The following PCNX2 variants were observed in gnomAD, a reference collection of about 807,000 sequenced individuals.
PCNX2 encodes the protein pecanex 2.
PCNX2 carries 168 observed loss-of-function variants against 223.8 expected under a neutral mutation model. The ratio of observed to expected loss-of-function variants is 0.75; its 90% CI spans 0.66 to 0.85. The LOEUF (loss-of-function observed/expected upper bound fraction) is 0.85, where lower values mean the gene tolerates loss of function less well. Ranked by LOEUF, PCNX2 falls within the 40% of genes least tolerant of loss-of-function variation. The pLI is 0.00. For synonymous variants in PCNX2, 1,006 were observed against 1,052.6 expected (o/e 0.96, Z 0.86); for missense variants, 2,507 against 2,675.5 (o/e 0.94, Z 1.39).
At chr1:233,279,458 A>T (rs1459554602) in intron 1 of PCNX2, among the ~76,000 whole-genome samples, 1 of 151,378 alleles carries the variant, frequency 6.6e-6, no homozygotes, top group Admixed American at 6.6e-5. Context: ...ATATATATAT[A>T]TTTTATTGTA....
intron 21 of PCNX2, among the ~76,000 whole-genome samples, chr1:233,097,242 G>T (rs996077399): frequency 2.0e-5 from 3 of 151,608 alleles, no homozygotes; most frequent in Admixed American, 6.6e-5. Context: ...GAAAGCTGAA[G>T]AATTTTAGAT....
Position 233,017,123 on chromosome 1 carries a change from T to C in PCNX2, c.4637A>G (p.Lys1546Arg), listed in dbSNP as rs1475167491. 7 of 1,464,774 alleles carry C rather than the reference T, an allele frequency of 4.8e-6. No individual in the cohort carries two copies. The highest frequency in any genetic ancestry group is 5.6e-5 in the East Asian group (2 of 35,972). 90.7% of individuals were successfully genotyped at this position (1,464,774 alleles called of 1,614,324 possible). The change falls in exon 27 of 34, where the codon AAA becomes AGA. Residue 1546 changes from lysine (K) to arginine (R), a missense_variant. Transcript: ENST00000258229. ...SIIYYMVTSP[K>R]LLSWIKNESL... ...TTCATTTTTGATCCAGGAGAGGAGTTTGGGAGACGTTACCATATAGTATAT... is the reference window on the plus strand; with the variant it reads ...TTCATTTTTGATCCAGGAGAGGAGTCTGGGAGACGTTACCATATAGTATAT...
At chr1:233,132,518 A>C (rs954450492) in intron 21 of PCNX2, among the ~76,000 whole-genome samples, 3 of 152,160 alleles carry the variant, frequency 2.0e-5, no homozygotes, top group Admixed American at 6.5e-5. Flanking sequence ...ACAGGTATGG[A>C]ATTATTTAGA....
In PCNX2 at chr1:233,289,496, AG is replaced by A; in HGVS notation, c.153+5829del. The stretch of plus-strand genomic sequence containing the variant: ...CGAGCGCCGGCTTAGGAAGAGCAGA[AG>A]GATGCCTTTTAAGCAACTCCATGCT... On this transcript the variant is annotated intron_variant, in intron 1 of 33. Transcript: ENST00000258229. 3.7e-6 allele frequency: 3 copies of A among 805,682 alleles called. No homozygotes were observed. In the East Asian group the frequency reaches 7.8e-5, roughly 21 times the overall value. 49.9% of individuals were successfully genotyped at this position (805,682 alleles called of 1,614,324 possible).
chr1:233,135,145 C>A lies in PCNX2; in HGVS notation c.3705G>T (p.Arg1235=), dbSNP rs776087349. 2.1e-5 allele frequency: 34 copies of A among 1,613,888 alleles called. No individual in the cohort carries two copies. The highest frequency in any genetic ancestry group is 2.8e-5 in the Non-Finnish European group (33 of 1,179,868). Residue 1235 remains arginine, a synonymous_variant, in exon 21 of 34, where the codon CGG becomes CGT. Transcript: ENST00000258229. ...LMIIAGMKLL[R]TSFCNPVYQF... is the part of the protein sequence containing the mutation. ...GGTAAACCGGGTTGCAGAATGATGT[C>A]CGCAACAGCTTCATGCCAGCAATGA...
chr1:233,063,584 G>A (rs1672484602), intron 23 of PCNX2, among the ~76,000 whole-genome samples: 1 of 152,096 alleles, frequency 6.6e-6, no homozygotes, highest in African/African-American at 2.4e-5. Context: ...TATTAGTGCT[G>A]TGAAACCTCA....
At chr1:233,057,203 G>T (rs1200425016) in intron 24 of PCNX2, 29 bp downstream of exon 24, 5 of 1,534,592 alleles carry the variant, frequency 3.3e-6, no homozygotes, top group Non-Finnish European at 4.5e-6. Context: ...ACAATAAATA[G>T]TTGAAAAAGA....
rs1353884519 is a variant in PCNX2, at chr1:233,283,817, A to G, written c.153+11509T>C. ...TAGTCCAGAATCATCAATTTATACT[A>G]TAACTATTGGGTGAAAGACTTTTGG... On this transcript the variant is annotated intron_variant, in intron 1 of 33. Transcript: ENST00000258229. 2.0e-5 allele frequency among the ~76,000 whole-genome samples: 3 copies of G among 152,222 alleles called. No homozygotes were observed. The East Asian group carries it at 5.8e-4, about 29-fold the overall frequency.
At chr1:233,098,777 G>A (rs1181568626) in intron 21 of PCNX2, among the ~76,000 whole-genome samples, 1 of 152,120 alleles carries the variant, frequency 6.6e-6, no homozygotes, top group Non-Finnish European at 1.5e-5. Context: ...TTAAGGGCAC[G>A]CTGCCTGAGT....
chr1:233,192,581 C>T (rs1283140979), intron 15 of PCNX2, among the ~76,000 whole-genome samples: 2 of 151,960 alleles, frequency 1.3e-5, no homozygotes, highest in African/African-American at 4.8e-5. Context: ...TCTAAAGGGA[C>T]CACTTACAGA....
rs554740859 is a variant in PCNX2 at position 233,287,253 on chromosome 1, G to T, written c.153+8073C>A. 3.1e-4 allele frequency among the ~76,000 whole-genome samples: 47 copies of T among 152,202 alleles called. 1 individual carries two copies. Among genetic ancestry groups the T allele is most frequent in the Admixed American group, 5.2e-4 (8 of 15,284 alleles). On this transcript the variant is annotated intron_variant, in intron 1 of 33. Coordinates refer to ENST00000258229, the MANE Select transcript of PCNX2 (RefSeq NM_014801.4). Reference sequence around the variant, plus strand: ...AACTAGAAATAAGTGTGAGAGGGAAGTTATATTTTTATTATATGTCCTTTT... The same window carrying T: ...AACTAGAAATAAGTGTGAGAGGGAATTTATATTTTTATTATATGTCCTTTT...
chr1:233,281,137 G>C (rs1355005546), intron 1 of PCNX2, among the ~76,000 whole-genome samples: 1 of 152,202 alleles, frequency 6.6e-6, no homozygotes, highest in Non-Finnish European at 1.5e-5. Flanking sequence ...AAGTATTTCT[G>C]AAACAAGCCA....
At chr1:233,252,859 A>C in intron 5 of PCNX2, 71 bp from the exon 6 acceptor site, 1 of 1,398,706 alleles carries the variant, frequency 7.1e-7, no homozygotes, top group Non-Finnish European at 9.5e-7. Flanking sequence ...GAAATAAGTT[A>C]CCAAAACTGA....
At chr1:233,159,620 A>G (rs2102818870) in intron 19 of PCNX2, among the ~76,000 whole-genome samples, 1 of 152,348 alleles carries the variant, frequency 6.6e-6, no homozygotes, top group East Asian at 1.9e-4. Flanking sequence ...CAAGCACAGA[A>G]CAGGGAATTA....
At chr1:233,223,920 C>T (rs1358681843) in intron 10 of PCNX2, among the ~76,000 whole-genome samples, 2 of 152,292 alleles carry the variant, frequency 1.3e-5, no homozygotes, top group East Asian at 3.9e-4. Flanking sequence ...CCCAGAAAAG[C>T]CTTTGCCAAC....
intron 23 of PCNX2, chr1:233,087,023 T>C (rs1287674193): frequency 1.0e-6 from 1 of 985,228 alleles, no homozygotes; most frequent in Non-Finnish European, 1.2e-6. Context: ...ACATTTGTCA[T>C]ATGCCCTAGT....
chr1:233,133,022 C>T (rs1486362477), intron 21 of PCNX2, among the ~76,000 whole-genome samples: 4 of 151,796 alleles, frequency 2.6e-5, no homozygotes, highest in African/African-American at 9.7e-5. Context: ...CCTCAGCCTC[C>T]TGAGTAGCTG....
chr1:233,009,234 T>G (rs541092786), intron 28 of PCNX2, among the ~76,000 whole-genome samples: 2 of 152,344 alleles, frequency 1.3e-5, no homozygotes, highest in African/African-American at 4.8e-5. Flanking sequence ...CAGTACCTAG[T>G]GGGCACCGCT....
At chr1:233,156,729 C>T (rs1219359534) in intron 19 of PCNX2, among the ~76,000 whole-genome samples, 1 of 152,068 alleles carries the variant, frequency 6.6e-6, no homozygotes, top group East Asian at 1.9e-4. Context: ...ACCAGACTGG[C>T]CAACATGGTG....
Sources: gnomAD v4.1 joint callset for allele counts (sites outside exome capture counted in the v4.1 genomes callset) on GRCh38, gnomAD v4.1.1 for gene constraint, MANE v1.5 for transcripts, NCBI Gene and HGNC (gene_info 2026-07-23, HGNC 2026-07-21) for gene names.